NBAS: variants seen among roughly 807,000 people sequenced by gnomAD.
NBAS encodes NAG/BC035112 fusion.
In NBAS, 219 loss-of-function variants were observed where a neutral mutation model predicts 302.5. The ratio of observed to expected loss-of-function variants is 0.72; its 90% CI spans 0.65 to 0.81. The LOEUF (loss-of-function observed/expected upper bound fraction) is 0.81. Among genes scored for constraint, NBAS ranks in the 30% least tolerant of loss-of-function variants. The probability of loss-of-function intolerance (pLI) is 0.00; values close to 1 mark genes in which losing one functional copy is unlikely to be tolerated. For missense variants in NBAS, 2,932 were observed against 2,841.6 expected, an observed-to-expected ratio of 1.03 and a Z score of -0.72; for synonymous variants, 1,118 against 1,021.6, an observed-to-expected ratio of 1.09 and a Z score of -1.80.
chr2:15,430,225 T>C (rs1035724717), intron 21 of NBAS, among the ~76,000 whole-genome samples: 1 of 152,206 alleles, frequency 6.6e-6, no homozygotes, highest in South Asian at 2.1e-4. Context: ...AGTTGTAAAA[T>C]GGTATCTTCA....
the NBAS span, among the ~76,000 whole-genome samples, chr2:15,147,346 C>A: frequency 6.6e-6 from 1 of 152,092 alleles, no homozygotes; most frequent in Non-Finnish European, 1.5e-5. Flanking sequence ...GTAATCCCAG[C>A]ACTTTGGGAG....
intron 40 of NBAS, among the ~76,000 whole-genome samples, chr2:15,303,775 A>C (rs1165903412): frequency 6.6e-6 from 1 of 152,244 alleles, no homozygotes; most frequent in Non-Finnish European, 1.5e-5. Flanking sequence ...CAAGAGAACT[A>C]CTTTAATTAA....
chr2:15,417,388 T>C, intron 24 of NBAS, 139 bp downstream of exon 24: 1 of 750,946 alleles, frequency 1.3e-6, no homozygotes, highest in Non-Finnish European at 2.1e-6. Flanking sequence ...CATAATATTT[T>C]ACTGTGAAAA....
At chr2:15,210,139 T>G (rs894698756) in intron 48 of NBAS, among the ~76,000 whole-genome samples, 4 of 151,858 alleles carry the variant, frequency 2.6e-5, no homozygotes, top group African/African-American at 9.7e-5. Flanking sequence ...TCACATCAAG[T>G]TAAAAACTTC....
intron 19 of NBAS, among the ~76,000 whole-genome samples, chr2:15,464,195 C>T (rs760104059): frequency 6.6e-6 from 1 of 152,166 alleles, no homozygotes; most frequent in African/African-American, 2.4e-5. Context: ...TGTTCATCAA[C>T]GCTACTACAT....
rs765672652 is a variant in NBAS at position 15,488,943 on chromosome 2, C to A, written c.1034G>T (p.Trp345Leu). ...AIHFSGKLSI[W>L]AIPSLKQQGE... is the part of the protein sequence containing the mutation. Reference sequence around the variant, plus strand: ...TTGTTGCTTCAGAGATGGAATCGCCCAGATGCTCAGTTTCCCTGAGAAGTG... The same window carrying A: ...TTGTTGCTTCAGAGATGGAATCGCCAAGATGCTCAGTTTCCCTGAGAAGTG... Residue 345 changes from tryptophan (W) to leucine (L), a missense_variant, in exon 12 of 52, where the codon TGG becomes TTG. Physicochemically the swap from Trp to Leu is moderately conservative, Grantham distance 61. Coordinates refer to ENST00000281513, the MANE Select transcript of NBAS (RefSeq NM_015909.4). 1 of 1,613,882 alleles carries A rather than the reference C, an allele frequency of 6.2e-7. No homozygotes were observed. The highest frequency in any genetic ancestry group is 8.5e-7 in the Non-Finnish European group (1 of 1,179,854).
At chr2:15,135,361 A>C in the NBAS span, among the ~76,000 whole-genome samples, 1 of 152,264 alleles carries the variant, frequency 6.6e-6, no homozygotes, top group African/African-American at 2.4e-5. Flanking sequence ...CTCTGACAGC[A>C]CCCCAGGCAG....
At chr2:15,013,047 T>C in the NBAS span, among the ~76,000 whole-genome samples, 1 of 152,118 alleles carries the variant, frequency 6.6e-6, no homozygotes, top group Non-Finnish European at 1.5e-5. Context: ...TTTGCAGAGA[T>C]GGGGTTTCAC....
chr2:15,526,152 C>T (rs983779319), intron 9 of NBAS, among the ~76,000 whole-genome samples: 1 of 151,900 alleles, frequency 6.6e-6, no homozygotes, highest in Non-Finnish European at 1.5e-5. Flanking sequence ...AAGATGGCAG[C>T]GAGGTGTTGG....
chr2:15,036,833 C>T, the NBAS span, among the ~76,000 whole-genome samples: 1 of 152,020 alleles, frequency 6.6e-6, no homozygotes, highest in Non-Finnish European at 1.5e-5. Context: ...ATTGGCTGCC[C>T]AAGAGCACAC....
the NBAS span, among the ~76,000 whole-genome samples, chr2:14,987,819 TA>T: frequency 1.3e-5 from 2 of 152,186 alleles, no homozygotes; most frequent in Non-Finnish European, 2.9e-5. Flanking sequence ...GGAATTTGCG[TA>T]GGGAAATATT....
intron 44 of NBAS, among the ~76,000 whole-genome samples, chr2:15,246,711 T>C (rs571438744): frequency 6.6e-6 from 1 of 152,320 alleles, no homozygotes; most frequent in South Asian, 2.1e-4. Context: ...TCGGAAGTCA[T>C]GCAGGAAGGG....
At chr2:15,035,268 C>A in the NBAS span, among the ~76,000 whole-genome samples, 2 of 152,104 alleles carry the variant, frequency 1.3e-5, no homozygotes, top group African/African-American at 4.8e-5. Context: ...TAAATCAAAA[C>A]CACAATGAGA....
At chr2:15,249,765 C>T (rs867063070) in intron 44 of NBAS, among the ~76,000 whole-genome samples, 1 of 152,086 alleles carries the variant, frequency 6.6e-6, no homozygotes, top group African/African-American at 2.4e-5. Flanking sequence ...ATGTGAAGGG[C>T]CTCTTCAAGG....
chr2:14,990,093 A>G, the NBAS span, among the ~76,000 whole-genome samples: 1 of 151,564 alleles, frequency 6.6e-6, no homozygotes, highest in Non-Finnish European at 1.5e-5. Context: ...ATTTTAAATG[A>G]CCCCATTTCT....
chr2:15,496,802 A>T (rs1188339851), intron 11 of NBAS, among the ~76,000 whole-genome samples: 3 of 152,228 alleles, frequency 2.0e-5, no homozygotes. Flanking sequence ...ATCTAGCTTC[A>T]TGGAGCCATG....
At chr2:15,354,574 C>T (rs1377784329) in intron 33 of NBAS, among the ~76,000 whole-genome samples, 3 of 152,150 alleles carry the variant, frequency 2.0e-5, no homozygotes, top group African/African-American at 4.8e-5. Context: ...CAAAATCACT[C>T]GGTTAATATT....
the NBAS span, among the ~76,000 whole-genome samples, chr2:14,812,635 G>A: frequency 6.6e-6 from 1 of 152,166 alleles, no homozygotes; most frequent in African/African-American, 2.4e-5. Context: ...AGAAGAAATG[G>A]AAAGAAGGAA....
intron 48 of NBAS, among the ~76,000 whole-genome samples, chr2:15,209,055 A>G (rs1463965349): frequency 6.6e-6 from 1 of 152,168 alleles, no homozygotes; most frequent in Non-Finnish European, 1.5e-5. Flanking sequence ...CTTTAGACAG[A>G]TTAACTTAAA....
Sources: allele counts gnomAD v4.1 joint callset (sites outside exome capture counted in the v4.1 genomes callset), GRCh38; gene constraint gnomAD v4.1.1; transcripts MANE v1.5; gene names NCBI Gene and HGNC (gene_info 2026-07-23, HGNC 2026-07-21).